The following CTNNA3 variants were observed in gnomAD, a reference collection of about 807,000 sequenced individuals.
The protein encoded by CTNNA3 is catenin alpha-3.
A neutral mutation model predicts 95.7 loss-of-function variants in CTNNA3; 76 were observed. That is an observed-to-expected ratio of 0.79 (90% confidence interval 0.66 to 0.96). The LOEUF is 0.96. Among genes scored for constraint, CTNNA3 ranks in the 40% least tolerant of loss-of-function variants. The pLI is 0.00. For missense variants in CTNNA3, 1,191 were observed against 1,089.8 expected (o/e 1.09, Z -1.31); for synonymous variants, 431 against 374.4 (o/e 1.15, Z -1.74).
intron 11 of CTNNA3, among the ~76,000 whole-genome samples, chr10:66,419,334 T>A (rs2093172478): frequency 6.6e-6 from 1 of 151,794 alleles, no homozygotes; most frequent in Admixed American, 6.6e-5. Flanking sequence ...AATAAACCAA[T>A]GAGGTGAAAT....
At chr10:67,711,765 G>C (rs1316206547) in intron 1 of CTNNA3, among the ~76,000 whole-genome samples, 1 of 130,956 alleles carries the variant, frequency 7.6e-6, no homozygotes, top group Non-Finnish European at 1.5e-5. Context: ...CCCAGAGTGT[G>C]ATGTTCCCCT....
chr10:66,606,744 A>G (rs985131573), intron 10 of CTNNA3, among the ~76,000 whole-genome samples: 5 of 152,146 alleles, frequency 3.3e-5, no homozygotes, highest in African/African-American at 1.2e-4. Context: ...AAGATACCTC[A>G]CGCCAGCATC....
At chr10:67,046,473 T>C (rs1827341783) in intron 7 of CTNNA3, among the ~76,000 whole-genome samples, 1 of 152,170 alleles carries the variant, frequency 6.6e-6, no homozygotes, top group South Asian at 2.1e-4. Context: ...CTAATAGACA[T>C]TGCCACGATA....
At chr10:66,788,687 T>C (rs1840846487) in intron 7 of CTNNA3, among the ~76,000 whole-genome samples, 1 of 151,792 alleles carries the variant, frequency 6.6e-6, no homozygotes, top group Non-Finnish European at 1.5e-5. Context: ...ACATAAAATA[T>C]AGATTTAACA....
At chr10:67,436,519 A>G (rs1346383179) in intron 5 of CTNNA3, among the ~76,000 whole-genome samples, 1 of 152,224 alleles carries the variant, frequency 6.6e-6, no homozygotes, top group African/African-American at 2.4e-5. Context: ...AGGAACAGTC[A>G]GCAGAGTAAA....
intron 4 of CTNNA3, among the ~76,000 whole-genome samples, chr10:67,539,192 T>C (rs1018199427): frequency 1.3e-5 from 2 of 152,110 alleles, no homozygotes; most frequent in Non-Finnish European, 2.9e-5. Context: ...ATATATTATC[T>C]ATATAATTAT....
At chr10:66,750,232 T>C (rs1839077218) in intron 9 of CTNNA3, among the ~76,000 whole-genome samples, 1 of 152,236 alleles carries the variant, frequency 6.6e-6, no homozygotes, top group Admixed American at 6.5e-5. Context: ...AAATCCAGCA[T>C]ATCAATTGTT....
intron 11 of CTNNA3, among the ~76,000 whole-genome samples, chr10:66,466,606 C>A (rs371132722): frequency 6.6e-6 from 1 of 151,852 alleles, no homozygotes; most frequent in African/African-American, 2.4e-5. Context: ...GCATGTAACC[C>A]TCTCCTGTGG....
chr10:66,662,299 A>T, intron 9 of CTNNA3, among the ~76,000 whole-genome samples: 1 of 152,186 alleles, frequency 6.6e-6, no homozygotes, highest in East Asian at 1.9e-4. Context: ...ATGACAAAAC[A>T]TATACAATTT....
At chr10:67,081,364 C>A (rs998416157) in intron 7 of CTNNA3, among the ~76,000 whole-genome samples, 1 of 152,166 alleles carries the variant, frequency 6.6e-6, no homozygotes, top group Non-Finnish European at 1.5e-5. Context: ...GTAATACAAT[C>A]ATCTCTTTCA....
chr10:66,005,705 T>C (rs2078864925), intron 15 of CTNNA3, among the ~76,000 whole-genome samples: 1 of 152,146 alleles, frequency 6.6e-6, no homozygotes, highest in Admixed American at 6.5e-5. Flanking sequence ...CATAAGGCTC[T>C]GGCGTGGGGC....
chr10:67,156,120 C>A (rs1861300506), intron 7 of CTNNA3, among the ~76,000 whole-genome samples: 1 of 151,930 alleles, frequency 6.6e-6, no homozygotes, highest in Admixed American at 6.6e-5. Context: ...CTTTCTATTT[C>A]TGTTGTATCA....
At chr10:66,805,522 T>C (rs949798242) in intron 7 of CTNNA3, among the ~76,000 whole-genome samples, 8 of 149,548 alleles carry the variant, frequency 5.3e-5, no homozygotes, top group African/African-American at 2.0e-4. Context: ...TATATATATA[T>C]TATCCTTCAA....
intron 12 of CTNNA3, among the ~76,000 whole-genome samples, chr10:66,287,690 C>T (rs1329082758): frequency 1.3e-5 from 2 of 152,044 alleles, no homozygotes; most frequent in African/African-American, 2.4e-5. Flanking sequence ...TAAAATAATG[C>T]CTTAATTCTA....
rs61866244 is a variant in CTNNA3 at position 67,044,539 on chromosome 10, C to A, written c.1047+135778G>T. ...AAAGTTTCCCAGATTCCCCATTGAG[C>A]TAATCTCTGTGAGTGCTCATTATAA... On this transcript the variant is annotated intron_variant, in intron 7 of 17. Coordinates refer to ENST00000433211, the MANE Select transcript of CTNNA3 (RefSeq NM_013266.4). Among the ~76,000 whole-genome samples, 669 of 152,258 alleles carry A rather than the reference C, an allele frequency of 4.4e-3. 2 individuals carry two copies. Among genetic ancestry groups the A allele is most frequent in the Non-Finnish European group, 7.3e-3 (497 of 68,016 alleles).
At chr10:65,971,122 A>G (rs1390602205) in intron 16 of CTNNA3, among the ~76,000 whole-genome samples, 1 of 151,942 alleles carries the variant, frequency 6.6e-6, no homozygotes. Flanking sequence ...AATAAAAATA[A>G]TAGACACAAC....
chr10:67,055,995 C>T (rs1258298388), intron 7 of CTNNA3, among the ~76,000 whole-genome samples: 1 of 152,000 alleles, frequency 6.6e-6, no homozygotes, highest in Non-Finnish European at 1.5e-5. Context: ...TCTTGCCTCA[C>T]CTCTTATGTT....
At chr10:67,427,694 A>G (rs374108789) in intron 5 of CTNNA3, among the ~76,000 whole-genome samples, 5 of 152,086 alleles carry the variant, frequency 3.3e-5, no homozygotes, top group African/African-American at 1.2e-4. Flanking sequence ...TTATAAATCA[A>G]TAAAATGACC....
At chr10:66,730,106 A>G (rs75584051) in intron 9 of CTNNA3, among the ~76,000 whole-genome samples, 6 of 21,644 alleles carry the variant, frequency 2.8e-4, no homozygotes, top group Non-Finnish European at 1.6e-4. Flanking sequence ...ACTCTGTCTG[A>G]AAAAAAAAAA....
Sources: gnomAD v4.1 joint callset for allele counts (sites outside exome capture counted in the v4.1 genomes callset) on GRCh38, gnomAD v4.1.1 for gene constraint, MANE v1.5 for transcripts, NCBI Gene and HGNC (gene_info 2026-07-23, HGNC 2026-07-21) for gene names.